The following FAM20C variants were observed in gnomAD, a reference collection of about 807,000 sequenced individuals.
The protein encoded by FAM20C is FAM20C golgi associated secretory pathway kinase.
Under a neutral mutation model 51.5 loss-of-function variants are expected in FAM20C, and 40 were observed. That is an observed-to-expected ratio of 0.78 (90% CI 0.60 to 1.01). FAM20C has a LOEUF of 1.01. FAM20C is among the 50% of genes least tolerant of loss of function. The probability of loss-of-function intolerance (pLI) is 0.00; values close to 1 mark genes in which losing one functional copy is unlikely to be tolerated. For synonymous variants in FAM20C, 406 were observed against 380.6 expected (o/e 1.07, Z -0.78); for missense variants, 861 against 844.7 (o/e 1.02, Z -0.24).
At chr7:236,213 AGGTGAGAGGCCGAGCGGCTCCTGGC>A (rs1787844176) in intron 3 of FAM20C, among the ~76,000 whole-genome samples, 1 of 98,846 alleles carries the variant, frequency 1.0e-5, no homozygotes, top group African/African-American at 8.0e-5. Flanking sequence ...CTCCTGGCCG[AGGTGAGAGGCCGAGCGGCTCCTGGC>A]CGAGGTGAGA....
At position 195,940 on chromosome 7, in the gene FAM20C, G is replaced by A. The variant is rs182172652; in HGVS notation, c.784+208G>A. On this transcript the variant is annotated intron_variant, in intron 2 of 9. Transcript: ENST00000313766. ...ACACTGGATGTGCTCCTGATCTGCC[G>A]CACGATGAGCGGGGAGACGCCTGGA... 1.5e-3 allele frequency among the ~76,000 whole-genome samples: 232 copies of A among 152,330 alleles called. 1 individual carries two copies. Among genetic ancestry groups the A allele is most frequent in the Admixed American group, 0.011 (173 of 15,310 alleles).
intron 5 of FAM20C, 80 bp from the exon 6 acceptor site, chr7:255,769 C>T: frequency 2.7e-6 from 4 of 1,474,450 alleles, no homozygotes; most frequent in Non-Finnish European, 3.7e-6. Flanking sequence ...AGAGCCCGGC[C>T]CGGCCTTGGG....
chr7:212,323 TGTG>T (rs2115074727), intron 3 of FAM20C, among the ~76,000 whole-genome samples: 1 of 151,894 alleles, frequency 6.6e-6, no homozygotes, highest in East Asian at 1.9e-4. Context: ...ATTAGCCGGG[TGTG>T]GTGGTTTGTG....
At chr7:203,326 T>C (rs34492442) in intron 2 of FAM20C, among the ~76,000 whole-genome samples, 43,359 of 152,168 alleles carry the variant, frequency 0.28, 7,594 homozygotes, top group Non-Finnish European at 0.36. Flanking sequence ...AGGTGAGCTT[T>C]CCAAGCATCG....
chr7:210,321 G>A (rs1786653212), intron 3 of FAM20C, among the ~76,000 whole-genome samples: 1 of 152,206 alleles, frequency 6.6e-6, no homozygotes, highest in African/African-American at 2.4e-5. Context: ...CCCCGGTTGA[G>A]GAGGCTCAGC....
chr7:213,335 T>C (rs1454119551), intron 3 of FAM20C, among the ~76,000 whole-genome samples: 1 of 152,010 alleles, frequency 6.6e-6, no homozygotes, highest in East Asian at 1.9e-4. Context: ...TTTCCAAGGC[T>C]CTGGAGTCCT....
At chr7:259,423 TCGTCTCTGC>T (rs1489200622) in intron 9 of FAM20C, among the ~76,000 whole-genome samples, 1 of 144,232 alleles carries the variant, frequency 6.9e-6, no homozygotes, top group Non-Finnish European at 1.5e-5. Flanking sequence ...GCGGTCTCTC[TCGTCTCTGC>T]CGTCTCTATC....
Position 208,929 on chromosome 7 carries a change from C to T in FAM20C, c.816C>T (p.Leu272=). The T allele has an allele frequency of 1.9e-6, 3 of 1,584,368 alleles. No individual in the cohort carries two copies. Among genetic ancestry groups the T allele is most frequent in the East Asian group, 2.3e-5 (1 of 43,264 alleles). Residue 272 remains leucine, a synonymous_variant, in exon 3 of 10, where the codon CTC becomes CTT. Coordinates refer to ENST00000313766, the MANE Select transcript of FAM20C (RefSeq NM_020223.4). ...AMKSGGTQLK[L]IMTFQNYGQA... ...AGTCGGGGGGCACGCAGCTGAAGCT[C>T]ATCATGACCTTCCAGAATTACGGGC...
intron 3 of FAM20C, 188 bp from the exon 4 acceptor site, chr7:246,227 G>GGGCC (rs1788153595): frequency 1.7e-6 from 1 of 573,288 alleles, no homozygotes; most frequent in Non-Finnish European, 3.1e-6. Context: ...TCCGTCGCAC[G>GGGCC]TGCCTGCGCT....
chr7:210,731 C>T (rs975688516), intron 3 of FAM20C, among the ~76,000 whole-genome samples: 4 of 152,164 alleles, frequency 2.6e-5, no homozygotes, highest in Non-Finnish European at 5.9e-5. Flanking sequence ...CAGAGTGTTC[C>T]TGGGCGCCAG....
At position 192,842 on chromosome 7, in the gene FAM20C, G is replaced by T; in HGVS notation, c.-358G>T. Reference sequence around the variant, plus strand: ...GGCCCGTCGCGCCCCGGCCGGGATGGACCCACACGCCCGATGAGCCCCGCG... The same window carrying T: ...GGCCCGTCGCGCCCCGGCCGGGATGTACCCACACGCCCGATGAGCCCCGCG... On this transcript the variant is annotated 5_prime_UTR_variant, in exon 1 of 10. Coordinates refer to ENST00000313766, the MANE Select transcript of FAM20C (RefSeq NM_020223.4). 1 of 148,316 alleles carries T rather than the reference G, an allele frequency of 6.7e-6. No individual in the cohort carries two copies. The highest frequency in any genetic ancestry group is 2.0e-4 in the South Asian group (1 of 4,974). The allele number at this position is 148,316 out of a possible 1,614,324, so 9.2% of individuals were successfully genotyped here. A position where few individuals can be genotyped will look rare whatever the true frequency, so the allele number is the denominator to read the frequency against.
chr7:197,372 C>T (rs761143240), intron 2 of FAM20C: 11 of 166,936 alleles, frequency 6.6e-5, no homozygotes, highest in East Asian at 1.9e-4. Flanking sequence ...CAGGGTCTGT[C>T]GGGCAGCTTA....
chr7:193,560 T>C lies in FAM20C; in HGVS notation c.361T>C (p.Leu121=), dbSNP rs1208854944. 1 of 1,497,526 alleles carries C rather than the reference T, an allele frequency of 6.7e-7. No homozygotes were observed. Among genetic ancestry groups the C allele is most frequent in the Non-Finnish European group, 8.9e-7 (1 of 1,121,284 alleles). The allele number at this position is 1,497,526 out of a possible 1,614,324, so 92.8% of individuals were successfully genotyped here. A position where few individuals can be genotyped will look rare whatever the true frequency, so the allele number is the denominator to read the frequency against. ...PPAAEPAERA[L]RGRDPGALRP... is the part of the protein sequence containing the mutation. ...CGCGGCCGAGCCGGCCGAGCGCGCC[T>C]TGCGGGGGCGGGATCCCGGCGCCCT... Residue 121 remains leucine (L), a synonymous_variant, in exon 1 of 10, where the codon TTG becomes CTG. Coordinates refer to ENST00000313766, the MANE Select transcript of FAM20C (RefSeq NM_020223.4).
rs901112069 is a variant in FAM20C at position 256,531 on chromosome 7, C to T, written c.1254-123C>T. ...CTAATGCAGCCTCAGCGCCGCAGCCCGGGCGGGTCCATCTGCAGACGCCAA... is the reference window on the plus strand; with the variant it reads ...CTAATGCAGCCTCAGCGCCGCAGCCTGGGCGGGTCCATCTGCAGACGCCAA... On this transcript the variant is annotated intron_variant, in intron 6 of 9. Coordinates refer to ENST00000313766, the MANE Select transcript of FAM20C (RefSeq NM_020223.4). The T allele has an allele frequency of 3.4e-5, 26 of 763,460 alleles. 1 individual carries two copies. The highest frequency in any genetic ancestry group is 1.5e-4 in the Admixed American group (7 of 45,420). The allele number at this position is 763,460 out of a possible 1,614,324, so 47.3% of individuals were successfully genotyped here.
chr7:193,065 G>C lies in FAM20C; in HGVS notation c.-135G>C. The C allele has an allele frequency of 1.5e-6, 1 of 661,444 alleles. No homozygotes were observed. The highest frequency in any genetic ancestry group is 2.0e-6 in the Non-Finnish European group (1 of 494,708). The allele number at this position is 661,444 out of a possible 1,614,324, so 41.0% of individuals were successfully genotyped here. A position where few individuals can be genotyped will look rare whatever the true frequency, so the allele number is the denominator to read the frequency against. On this transcript the variant is annotated 5_prime_UTR_variant, in exon 1 of 10. Transcript: ENST00000313766. The stretch of plus-strand genomic sequence containing the variant: ...CGCCCTGCACGCGGCCCGGGCCCGG[G>C]GACAGCCCCGGAGCTGGTAGCCGCC...
In FAM20C at chr7:255,983, TG is replaced by T. The variant is rs1413076061; in HGVS notation, c.1209del (p.Trp403CysfsTer27). 1 of 1,536,110 alleles carries T rather than the reference TG, an allele frequency of 6.5e-7. No homozygotes were observed. Among genetic ancestry groups the T allele is most frequent in the East Asian group, 2.4e-5 (1 of 40,906 alleles). On this transcript the variant is annotated frameshift_variant, in exon 6 of 10. Transcript: ENST00000313766. LOFTEE classifies it high-confidence loss of function. ...PDLSLAKRKTWRNPWRRSYHK... is the reference protein window; with the variant it reads ...PDLSLAKRKTXRNPWRRSYHK... ...CCTGTCCCTGGCCAAGAGGAAGACC[TG>T]GCGGAACCCTTGGCGGCGTTCCTAC...
chr7:248,514 C>G, intron 5 of FAM20C, 84 bp downstream of exon 5: 1 of 1,021,356 alleles, frequency 9.8e-7, no homozygotes, highest in East Asian at 2.7e-5. Flanking sequence ...TAGCCTGGCA[C>G]GGGGAGCCCA....
intron 3 of FAM20C, chr7:227,819 T>C (rs930493351): frequency 2.0e-5 from 3 of 152,542 alleles, no homozygotes; most frequent in Non-Finnish European, 2.9e-5. Flanking sequence ...ATCGCAATTG[T>C]TTTCAAGTGG....
intron 8 of FAM20C, among the ~76,000 whole-genome samples, chr7:257,709 T>C (rs1418499655): frequency 6.7e-6 from 1 of 149,100 alleles, no homozygotes; most frequent in Non-Finnish European, 1.5e-5. Context: ...GGACCCCACA[T>C]ACAGGGCTGG....
Sources: allele counts gnomAD v4.1 joint callset (sites outside exome capture counted in the v4.1 genomes callset), GRCh38; gene constraint gnomAD v4.1.1; transcripts MANE v1.5; gene names NCBI Gene and HGNC (gene_info 2026-07-23, HGNC 2026-07-21).